STARD6: variants seen among roughly 807,000 people sequenced by gnomAD.
STARD6 encodes StAR related lipid transfer domain containing 6.
Under a neutral mutation model 22.3 loss-of-function variants are expected in STARD6, and 21 were observed. The observed-to-expected ratio is 0.94, with a 90% confidence interval of 0.67 to 1.35. The LOEUF (loss-of-function observed/expected upper bound fraction) is 1.35. Ranked by LOEUF, STARD6 falls within the 40% of genes most tolerant of loss-of-function variation. STARD6 has a pLI of 0.00. For synonymous variants in STARD6, 80 were observed against 88.1 expected (o/e 0.91, Z 0.52); for missense variants, 269 against 266.9 (o/e 1.01, Z -0.05).
intron 5 of STARD6, 103 bp from the exon 6 acceptor site, chr18:54,331,962 A>G: frequency 1.4e-6 from 1 of 722,804 alleles, no homozygotes; most frequent in Non-Finnish European, 2.2e-6. Context: ...CTCTATTTGG[A>G]AAAAGCAGGG....
intron 4 of STARD6, among the ~76,000 whole-genome samples, chr18:54,342,276 C>T (rs530912973): frequency 6.6e-6 from 1 of 152,356 alleles, no homozygotes; most frequent in Non-Finnish European, 1.5e-5. Flanking sequence ...CAGATGGCTT[C>T]ACCGGTGAAT....
At chr18:54,357,171 T>G (rs1160266064) in intron 1 of STARD6, 1 of 152,226 alleles carries the variant, frequency 6.6e-6, no homozygotes, top group African/African-American at 2.4e-5. Flanking sequence ...ATGGCCTCTT[T>G]TTTTGATACA....
At chr18:54,353,684 T>C (rs2089117808) in intron 4 of STARD6, among the ~76,000 whole-genome samples, 1 of 152,116 alleles carries the variant, frequency 6.6e-6, no homozygotes, top group South Asian at 2.1e-4. Context: ...AATGAAGAAA[T>C]ACACTTTACT....
chr18:54,335,978 T>G (rs987576929), intron 5 of STARD6, among the ~76,000 whole-genome samples: 3 of 152,206 alleles, frequency 2.0e-5, no homozygotes, highest in Non-Finnish European at 4.4e-5. Flanking sequence ...GAAAACAGAC[T>G]AATGCAACCT....
chr18:54,345,649 G>C (rs2089026805), intron 4 of STARD6, among the ~76,000 whole-genome samples: 1 of 152,090 alleles, frequency 6.6e-6, no homozygotes, highest in African/African-American at 2.4e-5. Flanking sequence ...AAACAGAAAA[G>C]TTGTAAGACT....
chr18:54,345,046 C>G (rs760243901), intron 4 of STARD6, among the ~76,000 whole-genome samples: 1 of 151,926 alleles, frequency 6.6e-6, no homozygotes, highest in Non-Finnish European at 1.5e-5. Context: ...GGTACTAGCC[C>G]AGGCAGTTAG....
intron 7 of STARD6, 53 bp from the exon 8 acceptor site, chr18:54,324,928 CTGACTTT>C: frequency 2.1e-6 from 3 of 1,415,966 alleles, no homozygotes; most frequent in Non-Finnish European, 2.8e-6. Flanking sequence ...GATTTAACTA[CTGACTTT>C]ACAGGTTTTT....
At chr18:54,349,749 A>T (rs975503325) in intron 4 of STARD6, among the ~76,000 whole-genome samples, 2 of 152,136 alleles carry the variant, frequency 1.3e-5, no homozygotes, top group African/African-American at 4.8e-5. Context: ...GTGAGAAAAG[A>T]TGATGTTTGG....
At chr18:54,345,482 CAA>C (rs1439658930) in intron 4 of STARD6, among the ~76,000 whole-genome samples, 3 of 152,082 alleles carry the variant, frequency 2.0e-5, no homozygotes, top group Admixed American at 2.0e-4. Flanking sequence ...TTTAAAATGG[CAA>C]TAATTCTCCA....
chr18:54,354,259 C>A, intron 3 of STARD6, 156 bp from the exon 4 acceptor site: 1 of 626,484 alleles, frequency 1.6e-6, no homozygotes, highest in Non-Finnish European at 2.8e-6. Context: ...ACTATGTTGC[C>A]CAGTCTGTAG....
rs1407861205 is a variant in STARD6, at chr18:54,354,242, G to C, written c.91-139C>G. On this transcript the variant is annotated intron_variant, in intron 3 of 7. Coordinates refer to ENST00000307844, the MANE Select transcript of STARD6 (RefSeq NM_139171.2). ...TATATATATATATTTTTCAGAGACA[G>C]GGTCTCACTATGTTGCCCAGTCTGT... The C allele has an allele frequency of 9.5e-6, 6 of 632,190 alleles. No individual in the cohort carries two copies. In the South Asian group the frequency reaches 1.4e-4, roughly 15 times the overall value. The allele number at this position is 632,190 out of a possible 1,614,324, so 39.2% of individuals were successfully genotyped here.
At chr18:54,354,278 C>G (rs747366212) in intron 3 of STARD6, 175 bp from the exon 4 acceptor site, 3 of 628,700 alleles carry the variant, frequency 4.8e-6, no homozygotes, top group Non-Finnish European at 8.4e-6. Flanking sequence ...AGTGTACTGG[C>G]TATTCACAGG....
intron 4 of STARD6, among the ~76,000 whole-genome samples, chr18:54,348,446 A>G (rs2089059489): frequency 6.6e-6 from 1 of 152,142 alleles, no homozygotes; most frequent in Non-Finnish European, 1.5e-5. Flanking sequence ...ACATCTTGAC[A>G]GTTTTGATGA....
chr18:54,345,583 T>G (rs1235802635), intron 4 of STARD6, among the ~76,000 whole-genome samples: 1 of 151,982 alleles, frequency 6.6e-6, no homozygotes, highest in African/African-American at 2.4e-5. Flanking sequence ...GAGGCTGGAG[T>G]GTCTAAAATT....
At chr18:54,354,294 T>C in intron 3 of STARD6, 190 bp downstream of exon 3, 1 of 638,680 alleles carries the variant, frequency 1.6e-6, no homozygotes, top group Non-Finnish European at 2.7e-6. Context: ...ACAGGCACAA[T>C]CATGGTGCAT....
At chr18:54,345,216 A>G (rs1045135108) in intron 4 of STARD6, among the ~76,000 whole-genome samples, 7 of 152,202 alleles carry the variant, frequency 4.6e-5, no homozygotes, top group African/African-American at 1.4e-4. Context: ...ATAAAAATCA[A>G]TTGTATTTCT....
chr18:54,336,997 T>C, intron 5 of STARD6, 128 bp downstream of exon 5: 1 of 838,694 alleles, frequency 1.2e-6, no homozygotes, highest in South Asian at 3.2e-5. Flanking sequence ...AAAGCTTTTA[T>C]AAAGACTTCA....
At chr18:54,354,008 G>C in intron 4 of STARD6, 46 bp downstream of exon 4, 1 of 1,182,376 alleles carries the variant, frequency 8.5e-7, no homozygotes. Context: ...ATACATCAAT[G>C]GCATTGAATT....
At chr18:54,357,604 C>T (rs759224430) in intron 1 of STARD6, among the ~76,000 whole-genome samples, 188 bp downstream of exon 1, 8 of 152,188 alleles carry the variant, frequency 5.3e-5, no homozygotes, top group Non-Finnish European at 8.8e-5. Context: ...CGCCAGCGCC[C>T]TTAAGTCTCC....
Sources: allele counts gnomAD v4.1 joint callset (sites outside exome capture counted in the v4.1 genomes callset), GRCh38; gene constraint gnomAD v4.1.1; transcripts MANE v1.5; gene names NCBI Gene and HGNC (gene_info 2026-07-23, HGNC 2026-07-21).